Variants in RAB22A observed in about 807,000 individuals in gnomAD.
RAB22A encodes the protein RAB22A, member RAS oncogene family.
A neutral mutation model predicts 30.2 loss-of-function variants in RAB22A; 13 were observed. That is an observed-to-expected ratio of 0.43 (90% CI 0.28 to 0.68). The LOEUF is 0.68. Ranked by LOEUF, RAB22A falls within the 30% of genes least tolerant of loss-of-function variation. The pLI is 0.18. For synonymous variants in RAB22A, 89 were observed against 87.2 expected (o/e 1.02, Z -0.11); for missense variants, 177 against 246.8 (o/e 0.72, Z 1.89).
rs1987298217 is a variant in RAB22A at position 58,365,410 on chromosome 20, T to G, written c.*5707T>G. On this transcript the variant is annotated 3_prime_UTR_variant, in exon 7 of 7. Coordinates refer to ENST00000244040, the MANE Select transcript of RAB22A (RefSeq NM_020673.3). ...GTGGTGCTTGACTTTGCTTTGGGGC[T>G]TAATCCTAGTATCATTTGGCCATTA... is the stretch of plus-strand genomic sequence containing the variant. The G allele has an allele frequency of 6.6e-6, 1 of 152,242 alleles. No individual in the cohort carries two copies. Among genetic ancestry groups the G allele is most frequent in the South Asian group, 2.1e-4 (1 of 4,832 alleles). 9.4% of individuals were successfully genotyped at this position (152,242 alleles called of 1,614,324 possible). A position where few individuals can be genotyped will look rare whatever the true frequency, so the allele number is the denominator to read the frequency against.
In RAB22A at chr20:58,341,060, A is replaced by C. The variant is rs369425908; in HGVS notation, c.117-2658A>C. ...ATGAGCCAAAGAAAAGACATCTCTG[A>C]CTCAGCAAAAGTCAGAAAAATGGAA... On this transcript the variant is annotated intron_variant, in intron 2 of 6. Coordinates refer to ENST00000244040, the MANE Select transcript of RAB22A (RefSeq NM_020673.3). Among the ~76,000 whole-genome samples, 42 of 152,342 alleles carry C rather than the reference A, an allele frequency of 2.8e-4. No individual in the cohort carries two copies. The South Asian group carries it at 8.7e-3, about 32-fold the overall frequency.
In RAB22A at chr20:58,366,798, A is replaced by G. The variant is rs1434953556; in HGVS notation, c.*7095A>G. The G allele has an allele frequency of 6.6e-6, 1 of 152,298 alleles. No homozygotes were observed. The highest frequency in any genetic ancestry group is 1.5e-5 in the Non-Finnish European group (1 of 68,036). The allele number at this position is 152,298 out of a possible 1,614,324, so 9.4% of individuals were successfully genotyped here. On this transcript the variant is annotated 3_prime_UTR_variant, in exon 7 of 7. Transcript: ENST00000244040. ...GTTTTGTTTTACCATTGGTAATAAG[A>G]TAGTTAACATAAGTGGTCAGAACTT...
At chr20:58,319,800 C>T (rs1986416815) in intron 2 of RAB22A, among the ~76,000 whole-genome samples, 1 of 152,134 alleles carries the variant, frequency 6.6e-6, no homozygotes, top group South Asian at 2.1e-4. Flanking sequence ...AAGATGTTCC[C>T]TTCTATTCCT....
chr20:58,357,097 A>G (rs539086090), intron 6 of RAB22A, among the ~76,000 whole-genome samples: 46 of 152,322 alleles, frequency 3.0e-4, no homozygotes, highest in South Asian at 1.7e-3. Context: ...ACCGCCAACC[A>G]GTTTTCAAAG....
chr20:58,320,126 T>C (rs1029703254), intron 2 of RAB22A, among the ~76,000 whole-genome samples: 1 of 152,216 alleles, frequency 6.6e-6, no homozygotes, highest in Admixed American at 6.5e-5. Flanking sequence ...TTGAGGAATG[T>C]CTTCTCTTCT....
chr20:58,347,502 TATG>T (rs1202273420), intron 3 of RAB22A, among the ~76,000 whole-genome samples: 2 of 152,234 alleles, frequency 1.3e-5, no homozygotes, highest in African/African-American at 2.4e-5. Flanking sequence ...TTGTCATTTT[TATG>T]ATAAGACTAT....
At chr20:58,310,139 C>G in intron 1 of RAB22A, 127 bp downstream of exon 1, 2 of 989,216 alleles carry the variant, frequency 2.0e-6, no homozygotes, top group Non-Finnish European at 1.3e-6. Context: ...GCCCCGTGGA[C>G]CCTCCCTCCA....
intron 2 of RAB22A, 38 bp downstream of exon 2, chr20:58,311,160 T>C (rs756086874): frequency 8.6e-6 from 13 of 1,508,504 alleles, no homozygotes; most frequent in African/African-American, 4.1e-5. Context: ...TAAAGGTGCA[T>C]TGAAAATCCT....
chr20:58,311,004 G>A (rs2122916662), intron 1 of RAB22A, 39 bp from the exon 2 acceptor site: 4 of 1,522,892 alleles, frequency 2.6e-6, no homozygotes, highest in East Asian at 2.3e-5. Context: ...CTGCCAAAAG[G>A]TAAACTTTTT....
chr20:58,359,263 T>G (rs1987184061), intron 6 of RAB22A, among the ~76,000 whole-genome samples: 1 of 152,202 alleles, frequency 6.6e-6, no homozygotes, highest in Non-Finnish European at 1.5e-5. Context: ...TGCTGTGTGA[T>G]ATCCTTGTTT....
At position 58,359,757 on chromosome 20, in the gene RAB22A, CAGG is replaced by C. The variant is rs1987194610; in HGVS notation, c.*58_*60del. The C allele has an allele frequency of 4.7e-6, 7 of 1,501,034 alleles. No homozygotes were observed. Among genetic ancestry groups the C allele is most frequent in the Non-Finnish European group, 6.5e-6 (7 of 1,085,070 alleles). The allele number at this position is 1,501,034 out of a possible 1,614,324, so 93.0% of individuals were successfully genotyped here. ...TGAAGTAGGTGGTCCTGAAAGTTAA[CAGG>C]AGGGCTGGGGTCCCTGCCACCAGTT... is the stretch of plus-strand genomic sequence containing the variant. On this transcript the variant is annotated 3_prime_UTR_variant, in exon 7 of 7. Transcript: ENST00000244040.
intron 2 of RAB22A, among the ~76,000 whole-genome samples, chr20:58,325,663 G>A (rs1986557796): frequency 6.6e-6 from 1 of 152,052 alleles, no homozygotes; most frequent in Non-Finnish European, 1.5e-5. Flanking sequence ...TTAACTTTTT[G>A]TTAATGATTA....
chr20:58,343,929 T>G (rs1986901518), intron 3 of RAB22A, 130 bp downstream of exon 3: 5 of 768,950 alleles, frequency 6.5e-6, no homozygotes, highest in Non-Finnish European at 1.1e-5. Context: ...TATTTCCATT[T>G]GCGTAGGCCA....
intron 2 of RAB22A, among the ~76,000 whole-genome samples, chr20:58,330,035 A>C (rs1986636833): frequency 1.3e-5 from 2 of 152,246 alleles, no homozygotes; most frequent in South Asian, 4.1e-4. Context: ...ATGATAAAGC[A>C]ACTATTTACT....
chr20:58,312,213 T>G (rs895901374), intron 2 of RAB22A, among the ~76,000 whole-genome samples: 9 of 151,732 alleles, frequency 5.9e-5, no homozygotes, highest in African/African-American at 1.7e-4. Flanking sequence ...CCTCAACCTC[T>G]CAAAGTGCTG....
At position 58,362,979 on chromosome 20, in the gene RAB22A, C is replaced by G. The variant is rs1165477686; in HGVS notation, c.*3276C>G. 6.6e-6 allele frequency: 1 copy of G among 152,208 alleles called. No homozygotes were observed. Among genetic ancestry groups the G allele is most frequent in the Non-Finnish European group, 1.5e-5 (1 of 68,040 alleles). 9.4% of individuals were successfully genotyped at this position (152,208 alleles called of 1,614,324 possible). A position where few individuals can be genotyped will look rare whatever the true frequency, so the allele number is the denominator to read the frequency against. On this transcript the variant is annotated 3_prime_UTR_variant, in exon 7 of 7. Coordinates refer to ENST00000244040, the MANE Select transcript of RAB22A (RefSeq NM_020673.3). ...GAAACCAACTTTAATTTCAGAACTTCTCTTTACGTCTTGTATGTATTTCTT... is the reference window on the plus strand; with the variant it reads ...GAAACCAACTTTAATTTCAGAACTTGTCTTTACGTCTTGTATGTATTTCTT...
chr20:58,327,647 C>G (rs562043859), intron 2 of RAB22A, among the ~76,000 whole-genome samples: 23 of 152,164 alleles, frequency 1.5e-4, no homozygotes, highest in African/African-American at 4.8e-4. Flanking sequence ...TAAACCAATC[C>G]CAAACTCAAG....
rs145926811 is a variant in RAB22A, at chr20:58,323,250, T to A, written c.116+12128T>A. 4.6e-5 allele frequency among the ~76,000 whole-genome samples: 7 copies of A among 152,310 alleles called. No individual in the cohort carries two copies. In the East Asian group the frequency reaches 1.2e-3, roughly 25 times the overall value. ...GCTGTTAATATGGTAAATGGCATTG[T>A]TTTGAAATTTTCATTTTCTTTTTAT... On this transcript the variant is annotated intron_variant, in intron 2 of 6. Transcript: ENST00000244040.
chr20:58,353,019 A>G (rs1987078275), intron 3 of RAB22A, among the ~76,000 whole-genome samples: 1 of 152,238 alleles, frequency 6.6e-6, no homozygotes, highest in Non-Finnish European at 1.5e-5. Context: ...TTTTAGCTGA[A>G]ACAATTGTTT....
Sources: gnomAD v4.1 joint callset for allele counts (sites outside exome capture counted in the v4.1 genomes callset) on GRCh38, gnomAD v4.1.1 for gene constraint, MANE v1.5 for transcripts, NCBI Gene and HGNC (gene_info 2026-07-23, HGNC 2026-07-21) for gene names.